GAREM1: variants seen among roughly 807,000 people sequenced by gnomAD.
GAREM1 encodes GRB2 associated regulator of MAPK1 subtype 1, also known as GRB2-associated and regulator of MAPK protein 1.
In GAREM1, 26 loss-of-function variants were observed where a neutral mutation model predicts 71.3. The ratio of observed to expected loss-of-function variants is 0.36; its 90% CI spans 0.27 to 0.51. The LOEUF is 0.51. Among genes scored for constraint, GAREM1 ranks in the 20% least tolerant of loss-of-function variants. The pLI is 0.95. For synonymous variants in GAREM1, 440 were observed against 433.2 expected, an observed-to-expected ratio of 1.02 and a Z score of -0.20; for missense variants, 1,026 against 1,103.1, an observed-to-expected ratio of 0.93 and a Z score of 0.99.
intron 1 of GAREM1, among the ~76,000 whole-genome samples, chr18:32,438,455 T>C (rs1035297295): frequency 5.3e-5 from 8 of 152,216 alleles, no homozygotes; most frequent in Non-Finnish European, 1.0e-4. Flanking sequence ...CTGAACCCAC[T>C]GTCAAACTGA....
chr18:32,412,452 T>C (rs1417727430), intron 1 of GAREM1: 12 of 1,590,326 alleles, frequency 7.5e-6, no homozygotes, highest in Non-Finnish European at 9.4e-6. Context: ...ATTAGAGCCA[T>C]CCCCACTGCC....
chr18:32,299,240 A>G lies in GAREM1; in HGVS notation c.393+10953T>C, dbSNP rs613616. ...TAAAAAGTGATTATATCTAGCCAGG[A>G]GCGGTGGCTCATGCCTGTAATCCCA... is the stretch of plus-strand genomic sequence containing the variant. On this transcript the variant is annotated intron_variant, in intron 3 of 5. Coordinates refer to ENST00000269209, the MANE Select transcript of GAREM1 (RefSeq NM_001242409.2). Among the ~76,000 whole-genome samples, 31 of 151,968 alleles carry G rather than the reference A, an allele frequency of 2.0e-4. No individual in the cohort carries two copies. The East Asian group carries it at 4.5e-3, about 22-fold the overall frequency.
In GAREM1 at chr18:32,414,774, C is replaced by A. The variant is rs886390637; in HGVS notation, c.122-21739G>T. 2.8e-4 allele frequency among the ~76,000 whole-genome samples: 43 copies of A among 151,832 alleles called. 1 individual carries two copies. The highest frequency in any genetic ancestry group is 2.7e-3 in the Admixed American group (41 of 15,226). On this transcript the variant is annotated intron_variant, in intron 1 of 5. Coordinates refer to ENST00000269209, the MANE Select transcript of GAREM1 (RefSeq NM_001242409.2). ...ATGCCTATATCAAAAAGGAAAAAAA[C>A]CTTCAAATAACCCAGTGATGCATCT...
chr18:32,416,830 C>A (rs1353785060), intron 1 of GAREM1, among the ~76,000 whole-genome samples: 1 of 152,048 alleles, frequency 6.6e-6, no homozygotes, highest in African/African-American at 2.4e-5. Context: ...TTGAGTGATA[C>A]CCCACAAGCA....
intron 1 of GAREM1, among the ~76,000 whole-genome samples, chr18:32,431,755 T>TA (rs1450093371): frequency 1.3e-5 from 2 of 152,100 alleles, no homozygotes; most frequent in Non-Finnish European, 2.9e-5. Flanking sequence ...TCCATGCCCT[T>TA]ACACATCACA....
chr18:32,316,762 T>C (rs1242154157), intron 2 of GAREM1, among the ~76,000 whole-genome samples: 2 of 152,210 alleles, frequency 1.3e-5, no homozygotes. Flanking sequence ...TTTGCATTTC[T>C]TGCGCCCCAC....
At chr18:32,335,940 C>A (rs1405576787) in intron 2 of GAREM1, among the ~76,000 whole-genome samples, 1 of 152,104 alleles carries the variant, frequency 6.6e-6, no homozygotes, top group African/African-American at 2.4e-5. Flanking sequence ...ACCATGGGAG[C>A]AACGGAGTGC....
At chr18:32,461,011 A>C (rs1261108238) in intron 1 of GAREM1, among the ~76,000 whole-genome samples, 6 of 152,200 alleles carry the variant, frequency 3.9e-5, no homozygotes, top group Non-Finnish European at 8.8e-5. Context: ...GACCCTAAGA[A>C]TCATTATTTT....
At chr18:32,297,622 A>G (rs1004445869) in intron 3 of GAREM1, among the ~76,000 whole-genome samples, 1 of 152,174 alleles carries the variant, frequency 6.6e-6, no homozygotes, top group Admixed American at 6.5e-5. Flanking sequence ...TCAAATTTTT[A>G]TTGACTATGT....
intron 2 of GAREM1, among the ~76,000 whole-genome samples, chr18:32,332,889 AGAGT>A (rs1273326298): frequency 1.3e-5 from 2 of 152,142 alleles, no homozygotes; most frequent in Non-Finnish European, 2.9e-5. Flanking sequence ...TGACAGAGAG[AGAGT>A]ATCAGTGGCC....
At chr18:32,350,223 T>C (rs2047734387) in intron 2 of GAREM1, among the ~76,000 whole-genome samples, 1 of 152,174 alleles carries the variant, frequency 6.6e-6, no homozygotes, top group Admixed American at 6.5e-5. Flanking sequence ...CCTCTCTAAA[T>C]ATATATACAC....
At chr18:32,403,602 T>G (rs1236120701) in intron 1 of GAREM1, among the ~76,000 whole-genome samples, 2 of 152,128 alleles carry the variant, frequency 1.3e-5, no homozygotes, top group Non-Finnish European at 2.9e-5. Flanking sequence ...TTGAGATAGG[T>G]TCTTGCTCTG....
intron 2 of GAREM1, among the ~76,000 whole-genome samples, chr18:32,360,076 TG>T (rs2144607859): frequency 6.6e-6 from 1 of 152,280 alleles, no homozygotes; most frequent in African/African-American, 2.4e-5. Context: ...TTCTCTAATT[TG>T]TTTTCTTCCT....
chr18:32,394,120 C>T (rs1267479199), intron 1 of GAREM1, among the ~76,000 whole-genome samples: 1 of 152,166 alleles, frequency 6.6e-6, no homozygotes, highest in Non-Finnish European at 1.5e-5. Flanking sequence ...ATCTTTAAAA[C>T]AGTCTTGGCC....
Position 32,433,274 on chromosome 18 carries a change from A to G in GAREM1, c.121+37034T>C, listed in dbSNP as rs149015056. ...AACTTTAACAAACTAGGAAGAGAGG[A>G]GAACCTTTCTAACCTGATAAAGGAC... On this transcript the variant is annotated intron_variant, in intron 1 of 5. Transcript: ENST00000269209. Among the ~76,000 whole-genome samples the G allele has an allele frequency of 2.2e-3, 341 of 152,040 alleles. 1 individual carries two copies. Among genetic ancestry groups the G allele is most frequent in the Non-Finnish European group, 3.9e-3 (267 of 67,906 alleles).
At chr18:32,323,054 A>G (rs1428288994) in intron 2 of GAREM1, among the ~76,000 whole-genome samples, 1 of 152,246 alleles carries the variant, frequency 6.6e-6, no homozygotes, top group Non-Finnish European at 1.5e-5. Context: ...AATTGGTAAC[A>G]TTGATAAAAG....
At chr18:32,413,293 G>T in intron 1 of GAREM1, 2 of 1,271,094 alleles carry the variant, frequency 1.6e-6, no homozygotes, top group Non-Finnish European at 2.2e-6. Context: ...CTCACATTAA[G>T]TAGATTTCCA....
intron 2 of GAREM1, among the ~76,000 whole-genome samples, chr18:32,379,471 G>T (rs2048071583): frequency 4.1e-5 from 5 of 123,284 alleles, no homozygotes. Flanking sequence ...GGGGGGGGTG[G>T]GGGGCGGGGT....
chr18:32,413,293 G>A, intron 1 of GAREM1: 8 of 1,271,096 alleles, frequency 6.3e-6, no homozygotes, highest in Non-Finnish European at 6.7e-6. Flanking sequence ...CTCACATTAA[G>A]TAGATTTCCA....
Sources: gnomAD v4.1 joint callset for allele counts (sites outside exome capture counted in the v4.1 genomes callset) on GRCh38, gnomAD v4.1.1 for gene constraint, MANE v1.5 for transcripts, NCBI Gene and HGNC (gene_info 2026-07-23, HGNC 2026-07-21) for gene names.